RUBCN: variants seen among roughly 807,000 people sequenced by gnomAD.
RUBCN encodes the protein rubicon autophagy regulator, also known as run domain Beclin-1-interacting and cysteine-rich domain-containing protein.
A neutral mutation model predicts 113.2 loss-of-function variants in RUBCN; 74 were observed. The observed-to-expected ratio is 0.65, with a 90% CI of 0.54 to 0.79. The LOEUF (loss-of-function observed/expected upper bound fraction) is 0.79. Among genes scored for constraint, RUBCN ranks in the 30% least tolerant of loss-of-function variants. The pLI is 0.00. For missense variants in RUBCN, 1,109 were observed against 1,251.7 expected, an observed-to-expected ratio of 0.89 and a Z score of 1.72; for synonymous variants, 480 against 490.0, an observed-to-expected ratio of 0.98 and a Z score of 0.27.
intron 1 of RUBCN, among the ~76,000 whole-genome samples, chr3:197,734,452 G>T (rs1420875236): frequency 6.6e-6 from 1 of 151,518 alleles, no homozygotes; most frequent in Non-Finnish European, 1.5e-5. Flanking sequence ...GAACTGCCTG[G>T]GTTTGAATCC....
intron 7 of RUBCN, 43 bp from the exon 8 acceptor site, chr3:197,697,092 G>A (rs1723099660): frequency 9.4e-6 from 9 of 962,458 alleles, no homozygotes; most frequent in African/African-American, 1.6e-5. Flanking sequence ...CATACGAAAT[G>A]AGCAACAGGT....
At chr3:197,690,757 A>G (rs1382356959) in intron 11 of RUBCN, among the ~76,000 whole-genome samples, 2 of 152,204 alleles carry the variant, frequency 1.3e-5, no homozygotes, top group Non-Finnish European at 2.9e-5. Flanking sequence ...TCTTCATCTA[A>G]CTATTCCTTT....
upstream of RUBCN, among the ~76,000 whole-genome samples, chr3:197,741,881 C>T (rs1251471968): frequency 6.6e-6 from 1 of 151,464 alleles, no homozygotes; most frequent in Non-Finnish European, 1.5e-5. Flanking sequence ...CAGCCACGAA[C>T]GGTGGATAAA....
At chr3:197,718,605 C>T (rs1193243415) in intron 1 of RUBCN, among the ~76,000 whole-genome samples, 2 of 152,004 alleles carry the variant, frequency 1.3e-5, no homozygotes, top group Admixed American at 6.6e-5. Flanking sequence ...TGTGCACCAA[C>T]ACACCCAGAT....
Position 197,693,775 on chromosome 3 carries a change from C to T in RUBCN, c.1726G>A (p.Asp576Asn). The T allele has an allele frequency of 1.2e-6, 2 of 1,614,176 alleles. No homozygotes were observed. Among genetic ancestry groups the T allele is most frequent in the Non-Finnish European group, 1.7e-6 (2 of 1,180,002 alleles). ...CCAGAGTCAGAGAGCTGTGCCGAAT[C>T]ACGTGAGCTGAACTGGGAGCTGCTG... ...TSSSSQFSSR[D>N]SAQLSDSGSA... The change falls in exon 11 of 20, where the codon GAT becomes AAT. Residue 576 changes from aspartate to asparagine, a missense_variant. Asp to Asn is a conservative substitution (Grantham distance 23). This residue lies in a region of RUBCN where 736 missense variants were observed against 779.6 expected (regional missense o/e 0.94). Transcript: ENST00000296343.
intron 1 of RUBCN, among the ~76,000 whole-genome samples, chr3:197,729,186 T>C (rs1334722347): frequency 2.0e-5 from 3 of 152,104 alleles, no homozygotes; most frequent in African/African-American, 7.2e-5. Context: ...GTGAGGAGTT[T>C]TGACATGGAA....
Position 197,681,973 on chromosome 3 carries a change from C to T in RUBCN, c.2127-74G>A, listed in dbSNP as rs1560408246. 2.8e-6 allele frequency: 3 copies of T among 1,081,202 alleles called. No homozygotes were observed. The East Asian group carries it at 7.1e-5, about 26-fold the overall frequency. 67.0% of individuals were successfully genotyped at this position (1,081,202 alleles called of 1,614,324 possible). Reference sequence around the variant, plus strand: ...CCTTGGAGGTGTGAAGGAGTGAGCACACATACATACAGCTCCAGTTAAGTA... The same window carrying T: ...CCTTGGAGGTGTGAAGGAGTGAGCATACATACATACAGCTCCAGTTAAGTA... On this transcript the variant is annotated intron_variant, in intron 14 of 19. Coordinates refer to ENST00000296343, the MANE Select transcript of RUBCN (RefSeq NM_014687.4). The surrounding 1 kb of genome is among the most constrained non-coding windows in gnomAD (Gnocchi z 5.5).
At chr3:197,680,730 CT>C (rs1296516651) in intron 16 of RUBCN, among the ~76,000 whole-genome samples, 1 of 152,138 alleles carries the variant, frequency 6.6e-6, no homozygotes, top group African/African-American at 2.4e-5. Context: ...CAATTTCTTA[CT>C]CGATACCCGA....
Position 197,675,627 on chromosome 3 carries a change from A to G in RUBCN, c.2647-112T>C, listed in dbSNP as rs1172009695. 1 of 827,532 alleles carries G rather than the reference A, an allele frequency of 1.2e-6. No individual in the cohort carries two copies. The highest frequency in any genetic ancestry group is 2.5e-5 in the East Asian group (1 of 40,790). The allele number at this position is 827,532 out of a possible 1,614,324, so 51.3% of individuals were successfully genotyped here. A position where few individuals can be genotyped will look rare whatever the true frequency, so the allele number is the denominator to read the frequency against. On this transcript the variant is annotated intron_variant, in intron 18 of 19. Coordinates refer to ENST00000296343, the MANE Select transcript of RUBCN (RefSeq NM_014687.4). This position sits in a 1 kb window ranked among gnomAD's most constrained non-coding sequence, Gnocchi z 4.4. Reference sequence around the variant, plus strand: ...CTACAGGGTTCTGCTGCCCACAGGGAGGAGGCCTGGGCTGGACTCAGAAGC... The same window carrying G: ...CTACAGGGTTCTGCTGCCCACAGGGGGGAGGCCTGGGCTGGACTCAGAAGC...
At chr3:197,678,105 T>G (rs1189281938) in intron 16 of RUBCN, among the ~76,000 whole-genome samples, 2 of 129,912 alleles carry the variant, frequency 1.5e-5, no homozygotes, top group Non-Finnish European at 3.1e-5. Context: ...ACAACTGGCT[T>G]CAGACTGTCC....
chr3:197,682,509 G>A lies in RUBCN; in HGVS notation c.2087C>T (p.Pro696Leu). Reference sequence around the variant, plus strand: ...AACATTAAAAATTATCTGAGGCCGGGGCGGGGCCCACTCCAAGTTGCCACG... The same window carrying A: ...AACATTAAAAATTATCTGAGGCCGGAGCGGGGCCCACTCCAAGTTGCCACG... ...RVRGNLEWAP[P>L]RPQIIFNVHP... is the part of the protein sequence containing the mutation. The change falls in exon 14 of 20, where the codon CCC becomes CTC. Residue 696 changes from proline to leucine, a missense_variant. Coordinates refer to ENST00000296343, the MANE Select transcript of RUBCN (RefSeq NM_014687.4). The A allele has an allele frequency of 6.2e-7, 1 of 1,614,152 alleles. No individual in the cohort carries two copies. The highest frequency in any genetic ancestry group is 8.5e-7 in the Non-Finnish European group (1 of 1,180,030).
intron 1 of RUBCN, among the ~76,000 whole-genome samples, chr3:197,722,272 G>A (rs1726257022): frequency 6.6e-6 from 1 of 151,784 alleles, no homozygotes; most frequent in East Asian, 1.9e-4. Context: ...AAAAATACTT[G>A]GTATGATTTC....
At chr3:197,735,478 C>T (rs955669132) in intron 1 of RUBCN, among the ~76,000 whole-genome samples, 1 of 152,212 alleles carries the variant, frequency 6.6e-6, no homozygotes, top group Admixed American at 6.5e-5. Flanking sequence ...TGTCAGCATT[C>T]CAGCCTCTTT....
intron 14 of RUBCN, 122 bp downstream of exon 14, chr3:197,682,348 T>TAA (rs1370848910): frequency 2.5e-6 from 3 of 1,204,116 alleles, no homozygotes; most frequent in Non-Finnish European, 2.4e-6. Context: ...CCTCTGCCTT[T>TAA]AAATGAAGAG....
intron 1 of RUBCN, among the ~76,000 whole-genome samples, chr3:197,743,864 A>G (rs888202643): frequency 1.3e-5 from 2 of 152,016 alleles, no homozygotes; most frequent in African/African-American, 4.8e-5. Flanking sequence ...AGCGCCTGTA[A>G]TCCCAGCTAC....
chr3:197,677,146 C>T, intron 17 of RUBCN, 108 bp from the exon 18 acceptor site: 2 of 1,220,182 alleles, frequency 1.6e-6, no homozygotes, highest in South Asian at 1.2e-5. Flanking sequence ...GGTGGGCACC[C>T]ATCAGCCAGC....
intron 1 of RUBCN, among the ~76,000 whole-genome samples, chr3:197,729,590 G>C (rs1009107924): frequency 6.6e-6 from 1 of 151,448 alleles, no homozygotes; most frequent in Non-Finnish European, 1.5e-5. Flanking sequence ...AGACAGTCTC[G>C]ATCTGTTGCC....
intron 7 of RUBCN, chr3:197,700,339 C>G: frequency 1.9e-6 from 1 of 525,608 alleles, no homozygotes; most frequent in Non-Finnish European, 3.3e-6. Context: ...TGAAAACTCG[C>G]ACTATGAGTC....
intron 18 of RUBCN, chr3:197,676,113 G>C (rs1720380256): frequency 2.5e-6 from 2 of 802,070 alleles, no homozygotes; most frequent in Non-Finnish European, 3.0e-6. Context: ...AATACATAAA[G>C]TATACAAAAC....
Sources: allele counts gnomAD v4.1 joint callset (sites outside exome capture counted in the v4.1 genomes callset), GRCh38; gene constraint gnomAD v4.1.1; regional missense constraint gnomAD v4.1.1; non-coding constraint Gnocchi (gnomAD v3.1); transcripts MANE v1.5; gene names NCBI Gene and HGNC (gene_info 2026-07-23, HGNC 2026-07-21).